Variants in CUBN observed in about 807,000 individuals in gnomAD.
CUBN encodes the protein cubilin.
Under a neutral mutation model 405.3 loss-of-function variants are expected in CUBN, and 282 were observed. The observed-to-expected ratio is 0.70, with a 90% CI of 0.63 to 0.77. CUBN has a LOEUF of 0.77. Among genes scored for constraint, CUBN ranks in the 30% least tolerant of loss-of-function variants. The pLI is 0.00. For missense variants in CUBN, 4,514 were observed against 4,475.2 expected (o/e 1.01, Z -0.25); for synonymous variants, 1,684 against 1,617.0 (o/e 1.04, Z -0.99).
At chr10:17,044,485 A>C (rs1835079864) in intron 25 of CUBN, among the ~76,000 whole-genome samples, 1 of 152,084 alleles carries the variant, frequency 6.6e-6, no homozygotes, top group Non-Finnish European at 1.5e-5. Context: ...TGAATATTGA[A>C]AATGAAAGCC....
intron 60 of CUBN, among the ~76,000 whole-genome samples, chr10:16,848,690 C>CTTTT (rs10562297): frequency 0.04 from 2,140 of 53,366 alleles, 667 homozygotes; most frequent in Middle Eastern, 0.094. Flanking sequence ...CTCTCCCAGC[C>CTTTT]TTTTTTTTTT....
intron 59 of CUBN, among the ~76,000 whole-genome samples, chr10:16,858,686 A>T (rs558605359): frequency 6.6e-6 from 1 of 152,370 alleles, no homozygotes; most frequent in East Asian, 1.9e-4. Flanking sequence ...TCACAAAGAA[A>T]AATGAAGTGG....
At chr10:16,930,219 C>A (rs1256546015) in intron 40 of CUBN, among the ~76,000 whole-genome samples, 1 of 152,206 alleles carries the variant, frequency 6.6e-6, no homozygotes, top group African/African-American at 2.4e-5. Context: ...GATATAGACA[C>A]TGAGGCCCCA....
At chr10:16,980,187 AAAC>A (rs1189758963) in intron 31 of CUBN, among the ~76,000 whole-genome samples, 1 of 152,246 alleles carries the variant, frequency 6.6e-6, no homozygotes, top group Non-Finnish European at 1.5e-5. Flanking sequence ...AAAAGTCAGG[AAAC>A]AACAGATGCT....
At chr10:17,103,294 G>C in intron 12 of CUBN, 57 bp from the exon 13 acceptor site, 1 of 1,068,766 alleles carries the variant, frequency 9.4e-7, no homozygotes, top group South Asian at 1.3e-5. Context: ...AAGAGGTTGG[G>C]CAACTGTAAC....
At chr10:17,113,904 A>G in intron 8 of CUBN, 123 bp downstream of exon 8, 1 of 965,424 alleles carries the variant, frequency 1.0e-6, no homozygotes, top group East Asian at 2.6e-5. Flanking sequence ...GAACCAGGAC[A>G]CAAAACTGGA....
intron 28 of CUBN, among the ~76,000 whole-genome samples, chr10:17,008,429 C>CTT (rs374403527): frequency 1.5e-5 from 2 of 131,534 alleles, no homozygotes; most frequent in Non-Finnish European, 3.2e-5. Context: ...AATCCCTGCT[C>CTT]GTGTGTGTGT....
intron 52 of CUBN, among the ~76,000 whole-genome samples, 161 bp from the exon 53 acceptor site, chr10:16,901,011 G>T (rs936911601): frequency 1.3e-5 from 2 of 151,398 alleles, no homozygotes; most frequent in Non-Finnish European, 2.9e-5. Context: ...CTTATTGAAG[G>T]TTCTCTTGGA....
chr10:16,973,391 G>T (rs61841478), intron 31 of CUBN, among the ~76,000 whole-genome samples: 8,562 of 152,206 alleles, frequency 0.056, 346 homozygotes, highest in Non-Finnish European at 0.086. Context: ...CTAAATCCTA[G>T]GTGCTATACT....
chr10:17,000,394 T>C lies in CUBN; in HGVS notation c.4169-9879A>G, dbSNP rs181257596. Among the ~76,000 whole-genome samples the C allele has an allele frequency of 3.9e-5, 6 of 152,310 alleles. No homozygotes were observed. In the East Asian group the frequency reaches 1.2e-3, roughly 29 times the overall value. On this transcript the variant is annotated intron_variant, in intron 28 of 66. Coordinates refer to ENST00000377833, the MANE Select transcript of CUBN (RefSeq NM_001081.4). ...TTTAAGGATTGCAAATAACATCAGC[T>C]ATTTCGAACTTGTCTTTTGCCTAGC... is the stretch of plus-strand genomic sequence containing the variant.
intron 22 of CUBN, among the ~76,000 whole-genome samples, chr10:17,054,665 T>C (rs972282425): frequency 1.3e-5 from 2 of 152,002 alleles, no homozygotes; most frequent in African/African-American, 4.8e-5. Flanking sequence ...GACATTAAAA[T>C]AATAGAAAGA....
intron 55 of CUBN, among the ~76,000 whole-genome samples, chr10:16,890,102 T>TA (rs1474281248): frequency 1.1e-4 from 17 of 152,186 alleles, no homozygotes; most frequent in Non-Finnish European, 1.8e-4. Context: ...ACTAGCCATC[T>TA]GCGCTTCTGC....
chr10:16,994,599 C>T (rs1383900382), intron 28 of CUBN, among the ~76,000 whole-genome samples: 2 of 152,076 alleles, frequency 1.3e-5, no homozygotes, highest in Non-Finnish European at 2.9e-5. Context: ...TAAACCAATA[C>T]CCATCAGGAA....
chr10:17,106,814 T>G (rs1836644405), intron 10 of CUBN, among the ~76,000 whole-genome samples: 1 of 152,210 alleles, frequency 6.6e-6, no homozygotes, highest in South Asian at 2.1e-4. Context: ...TCCCCAGTTA[T>G]GTGGATGTGC....
chr10:16,989,321 A>C (rs1476852674), intron 29 of CUBN, among the ~76,000 whole-genome samples: 1 of 149,340 alleles, frequency 6.7e-6, no homozygotes, highest in Non-Finnish European at 1.5e-5. Context: ...TGTATTATAT[A>C]CTTACATTAA....
At chr10:17,064,988 C>T (rs550051949) in intron 22 of CUBN, among the ~76,000 whole-genome samples, 1 of 152,282 alleles carries the variant, frequency 6.6e-6, no homozygotes, top group African/African-American at 2.4e-5. Flanking sequence ...AATTTCTTAA[C>T]ATAAGTATTC....
At chr10:17,004,257 C>G (rs1833960110) in intron 28 of CUBN, among the ~76,000 whole-genome samples, 1 of 152,220 alleles carries the variant, frequency 6.6e-6, no homozygotes, top group Non-Finnish European at 1.5e-5. Flanking sequence ...ACTGATCATG[C>G]TCAGCTTGAA....
intron 41 of CUBN, 70 bp downstream of exon 41, chr10:16,928,086 GA>G: frequency 6.5e-7 from 1 of 1,538,894 alleles, no homozygotes; most frequent in African/African-American, 1.4e-5. Flanking sequence ...ATTATATTAG[GA>G]AGAGAGAAAG....
At chr10:17,080,456 T>G (rs1168301550) in intron 17 of CUBN, among the ~76,000 whole-genome samples, 2 of 152,190 alleles carry the variant, frequency 1.3e-5, no homozygotes, top group African/African-American at 2.4e-5. Flanking sequence ...ACTTTTCTGT[T>G]TGTATTTGCT....
Sources: allele counts gnomAD v4.1 joint callset (sites outside exome capture counted in the v4.1 genomes callset), GRCh38; gene constraint gnomAD v4.1.1; transcripts MANE v1.5; gene names NCBI Gene and HGNC (gene_info 2026-07-23, HGNC 2026-07-21).